Variants in HDAC9 observed in about 807,000 individuals in gnomAD.
HDAC9 encodes the protein histone deacetylase 9.
HDAC9 carries 41 observed loss-of-function variants against 139.4 expected under a neutral mutation model. The observed-to-expected ratio is 0.29, with a 90% CI of 0.23 to 0.38. The LOEUF is 0.38. HDAC9 is among the 10% of genes least tolerant of loss of function. The pLI is 1.00. For synonymous variants in HDAC9, 517 were observed against 476.2 expected, an observed-to-expected ratio of 1.09 and a Z score of -1.12; for missense variants, 1,147 against 1,297.0, an observed-to-expected ratio of 0.88 and a Z score of 1.78.
At chr7:18,622,354 C>T (rs1205934803) in intron 6 of HDAC9, among the ~76,000 whole-genome samples, 2 of 152,108 alleles carry the variant, frequency 1.3e-5, no homozygotes, top group Admixed American at 6.5e-5. Context: ...GAGGGAGTCT[C>T]GCCCTGTCAC....
intron 1 of HDAC9, among the ~76,000 whole-genome samples, chr7:18,337,649 G>T (rs961259788): frequency 1.3e-5 from 2 of 151,694 alleles, no homozygotes; most frequent in Non-Finnish European, 3.0e-5. Flanking sequence ...GCGTGTGTAT[G>T]TGCTGAACTT....
intron 16 of HDAC9, among the ~76,000 whole-genome samples, chr7:18,785,031 C>T (rs1303861296): frequency 2.0e-5 from 3 of 151,710 alleles, no homozygotes; most frequent in African/African-American, 4.8e-5. Flanking sequence ...TGTTCCTTGA[C>T]CCTTTATTTT....
chr7:18,554,517 G>A (rs537321954), intron 2 of HDAC9, among the ~76,000 whole-genome samples: 16 of 151,568 alleles, frequency 1.1e-4, no homozygotes, highest in Admixed American at 2.0e-4. Context: ...TTGTATTTTT[G>A]GTAGAGACGG....
intron 1 of HDAC9, among the ~76,000 whole-genome samples, chr7:18,426,415 A>T: frequency 6.6e-6 from 1 of 152,232 alleles, no homozygotes; most frequent in East Asian, 1.9e-4. Context: ...AATAACAATG[A>T]TACTTAATAT....
intron 2 of HDAC9, among the ~76,000 whole-genome samples, chr7:18,533,370 T>A (rs1051839789): frequency 1.3e-5 from 2 of 152,178 alleles, no homozygotes; most frequent in African/African-American, 4.8e-5. Context: ...TCTTGTAGCT[T>A]CTTTGTCGGT....
At chr7:18,318,518 A>G (rs1436268742) in intron 1 of HDAC9, among the ~76,000 whole-genome samples, 2 of 152,188 alleles carry the variant, frequency 1.3e-5, no homozygotes, top group East Asian at 1.9e-4. Context: ...AGAACTGACA[A>G]TTCCTACTGC....
At chr7:18,905,242 G>A (rs761673371) in intron 22 of HDAC9, among the ~76,000 whole-genome samples, 8 of 152,200 alleles carry the variant, frequency 5.3e-5, no homozygotes, top group Non-Finnish European at 8.8e-5. Context: ...AATCCCTCTT[G>A]TTGCTCACTT....
At chr7:18,196,722 C>T (rs779479807) in intron 2 of HDAC9, among the ~76,000 whole-genome samples, 9 of 152,088 alleles carry the variant, frequency 5.9e-5, no homozygotes, top group Non-Finnish European at 8.8e-5. Context: ...GTGTCCACAG[C>T]GTACGCAGTG....
rs1054534047 is a variant in HDAC9 at position 18,117,424 on chromosome 7, T to C, written c.-97+30211T>C. Among the ~76,000 whole-genome samples the C allele has an allele frequency of 7.3e-5, 11 of 151,454 alleles. No homozygotes were observed. In the East Asian group the frequency reaches 1.2e-3, roughly 16 times the overall value. On this transcript the variant is annotated intron_variant, in intron 1 of 12. Coordinates refer to the HDAC9 transcript ENST00000417496. ...TCGCGTGAACCTGGGAGGCGGAGCT[T>C]GCAGTGAGCCGAGATCGCGCCACTG...
At chr7:18,666,530 A>G (rs1390970922) in intron 12 of HDAC9, 54 bp downstream of exon 12, 1 of 1,575,238 alleles carries the variant, frequency 6.3e-7, no homozygotes. Context: ...TTATCTGAAC[A>G]TGAAATGCAT....
chr7:18,541,342 A>G (rs1433084067), intron 2 of HDAC9, among the ~76,000 whole-genome samples: 1 of 151,988 alleles, frequency 6.6e-6, no homozygotes, highest in Non-Finnish European at 1.5e-5. Context: ...CCAAGATTCC[A>G]GAAGAGCGAA....
intron 6 of HDAC9, among the ~76,000 whole-genome samples, chr7:18,617,669 T>G (rs1260981621): frequency 6.6e-6 from 1 of 152,178 alleles, no homozygotes; most frequent in African/African-American, 2.4e-5. Flanking sequence ...ATCTCTATAT[T>G]AAAATTACAT....
At chr7:18,598,270 A>G (rs1304867434) in intron 6 of HDAC9, among the ~76,000 whole-genome samples, 1 of 152,192 alleles carries the variant, frequency 6.6e-6, no homozygotes, top group African/African-American at 2.4e-5. Flanking sequence ...TCAAAATCTT[A>G]TTCAAGATTG....
At chr7:18,456,276 G>T (rs1345108309) in intron 1 of HDAC9, among the ~76,000 whole-genome samples, 1 of 152,068 alleles carries the variant, frequency 6.6e-6, no homozygotes, top group African/African-American at 2.4e-5. Flanking sequence ...TTTCTCTGTT[G>T]CCCAGGCTGG....
chr7:18,439,408 C>G (rs903912433), intron 1 of HDAC9, among the ~76,000 whole-genome samples: 3 of 152,100 alleles, frequency 2.0e-5, no homozygotes, highest in African/African-American at 7.2e-5. Flanking sequence ...ACAAATGAAA[C>G]CCTGTCTGGC....
At chr7:18,292,371 G>A (rs1184606744) in intron 1 of HDAC9, among the ~76,000 whole-genome samples, 1 of 152,072 alleles carries the variant, frequency 6.6e-6, no homozygotes, top group Non-Finnish European at 1.5e-5. Flanking sequence ...TCAAACATGT[G>A]CACTCGAAAT....
rs571782821 is a variant in HDAC9, at chr7:18,256,588, A to G, written c.25+94239A>G. Among the ~76,000 whole-genome samples the G allele has an allele frequency of 5.9e-4, 90 of 152,330 alleles. No homozygotes were observed. In the Middle Eastern group the frequency reaches 0.014, roughly 23 times the overall value. Reference sequence around the variant, plus strand: ...TGTCATCAGTAATGGGAACAATCATAAGGAATTTTTGAAGCTGAATCTTTT... The same window carrying G: ...TGTCATCAGTAATGGGAACAATCATGAGGAATTTTTGAAGCTGAATCTTTT... On this transcript the variant is annotated intron_variant, in intron 2 of 12. Transcript: ENST00000417496.
chr7:18,948,034 G>T (rs1379892855), intron 23 of HDAC9, among the ~76,000 whole-genome samples: 1 of 151,802 alleles, frequency 6.6e-6, no homozygotes, highest in Non-Finnish European at 1.5e-5. Flanking sequence ...CAATCATAAT[G>T]AACAATTTTT....
At chr7:18,322,623 A>G (rs551712740) in intron 1 of HDAC9, among the ~76,000 whole-genome samples, 1 of 152,324 alleles carries the variant, frequency 6.6e-6, no homozygotes, top group South Asian at 2.1e-4. Context: ...CCTCTACAGT[A>G]TGCTGGTGAG....
Sources: gnomAD v4.1 joint callset for allele counts (sites outside exome capture counted in the v4.1 genomes callset) on GRCh38, gnomAD v4.1.1 for gene constraint, MANE v1.5 for transcripts, NCBI Gene and HGNC (gene_info 2026-07-23, HGNC 2026-07-21) for gene names.